SND1: variants seen among roughly 807,000 people sequenced by gnomAD.
SND1 encodes staphylococcal nuclease and tudor domain containing 1.
A neutral mutation model predicts 121.7 loss-of-function variants in SND1; 38 were observed. The ratio of observed to expected loss-of-function variants is 0.31; its 90% CI spans 0.24 to 0.41. SND1 has a LOEUF of 0.41. Among genes scored for constraint, SND1 ranks in the 10% least tolerant of loss-of-function variants. The probability of loss-of-function intolerance (pLI) is 1.00; values close to 1 mark genes in which losing one functional copy is unlikely to be tolerated. For missense variants in SND1, 868 were observed against 1,184.6 expected, an observed-to-expected ratio of 0.73 and a Z score of 3.92; for synonymous variants, 401 against 447.4, an observed-to-expected ratio of 0.90 and a Z score of 1.31.
intron 13 of SND1, among the ~76,000 whole-genome samples, chr7:127,893,954 C>A (rs531609732): frequency 6.6e-6 from 1 of 152,074 alleles, no homozygotes; most frequent in Non-Finnish European, 1.5e-5. Flanking sequence ...CCCATAAGCA[C>A]CAGTCTCTTG....
intron 10 of SND1, among the ~76,000 whole-genome samples, chr7:127,796,988 G>A (rs548118761): frequency 4.0e-5 from 6 of 150,898 alleles, no homozygotes; most frequent in Non-Finnish European, 8.8e-5. Flanking sequence ...CACCTCCTGG[G>A]TTCAAGCGAT....
chr7:127,902,804 C>T (rs1013230408), intron 13 of SND1, among the ~76,000 whole-genome samples: 1 of 152,124 alleles, frequency 6.6e-6, no homozygotes, highest in African/African-American at 2.4e-5. Flanking sequence ...GCAACCTCCA[C>T]CTCCTGAGTT....
At chr7:127,728,692 C>T (rs904554848) in intron 10 of SND1, among the ~76,000 whole-genome samples, 5 of 152,206 alleles carry the variant, frequency 3.3e-5, no homozygotes, top group African/African-American at 1.2e-4. Flanking sequence ...TCCCTTCTTT[C>T]AGAATCTTAC....
Position 127,789,533 on chromosome 7 carries a change from T to C in SND1, c.1153-17951T>C, listed in dbSNP as rs764284037. Among the ~76,000 whole-genome samples, 77 of 152,202 alleles carry C rather than the reference T, an allele frequency of 5.1e-4. 2 individuals are homozygous for C. The highest frequency in any genetic ancestry group is 2.2e-4 in the Non-Finnish European group (15 of 68,040). The stretch of plus-strand genomic sequence containing the variant: ...CCTACATAATGGCATTGTTTCCATA[T>C]TTAATCGTAAGCTAAACATTCATGG... On this transcript the variant is annotated intron_variant, in intron 10 of 23. Coordinates refer to ENST00000354725, the MANE Select transcript of SND1 (RefSeq NM_014390.4).
intron 10 of SND1, among the ~76,000 whole-genome samples, chr7:127,723,254 C>T (rs752404552): frequency 5.9e-5 from 9 of 152,158 alleles, no homozygotes; most frequent in Non-Finnish European, 1.0e-4. Flanking sequence ...AGTGGGTAAA[C>T]GATGCATTTC....
chr7:127,721,458 A>G, intron 10 of SND1, 58 bp downstream of exon 10: 1 of 946,628 alleles, frequency 1.1e-6, no homozygotes. Flanking sequence ...GAAGTTGGAG[A>G]ATTGATTAAT....
At chr7:127,995,718 A>G (rs2116923654) in intron 16 of SND1, among the ~76,000 whole-genome samples, 1 of 152,320 alleles carries the variant, frequency 6.6e-6, no homozygotes, top group East Asian at 1.9e-4. Flanking sequence ...CTCACTGACC[A>G]GTTGCTGCCT....
chr7:127,699,506 G>A (rs1388731636), intron 4 of SND1, among the ~76,000 whole-genome samples: 1 of 152,204 alleles, frequency 6.6e-6, no homozygotes, highest in Non-Finnish European at 1.5e-5. Flanking sequence ...TCAGAGTCAG[G>A]AAAAATTTAT....
At chr7:127,706,319 C>T (rs1024843666) in intron 8 of SND1, among the ~76,000 whole-genome samples, 2 of 128,868 alleles carry the variant, frequency 1.6e-5, no homozygotes, top group African/African-American at 2.9e-5. Flanking sequence ...TGCAGTGGCA[C>T]GATCTCCACT....
chr7:127,806,837 T>G (rs1378279538), intron 10 of SND1, among the ~76,000 whole-genome samples: 1 of 152,142 alleles, frequency 6.6e-6, no homozygotes, highest in Non-Finnish European at 1.5e-5. Flanking sequence ...CACATGCCTG[T>G]AATCCCAGCT....
At chr7:128,084,987 C>G (rs1203693520) in intron 19 of SND1, 140 bp downstream of exon 19, 1 of 819,884 alleles carries the variant, frequency 1.2e-6, no homozygotes, top group African/African-American at 1.8e-5. Flanking sequence ...GGGTGTCCCT[C>G]TTCATTGCCC....
chr7:127,781,655 C>G (rs1437173367), intron 10 of SND1, among the ~76,000 whole-genome samples: 1 of 151,970 alleles, frequency 6.6e-6, no homozygotes, highest in Non-Finnish European at 1.5e-5. Context: ...TTTATAAGTC[C>G]TTCCTTTTAG....
intron 12 of SND1, among the ~76,000 whole-genome samples, chr7:127,852,858 A>G (rs1799197175): frequency 6.6e-6 from 1 of 152,150 alleles, no homozygotes; most frequent in African/African-American, 2.4e-5. Context: ...TGTTGTCTGA[A>G]TTATCTGTTT....
At chr7:127,996,144 A>G (rs1802651558) in intron 16 of SND1, among the ~76,000 whole-genome samples, 2 of 151,960 alleles carry the variant, frequency 1.3e-5, no homozygotes, top group South Asian at 4.1e-4. Flanking sequence ...CTGCTTTAAA[A>G]AAAAAAAAAA....
chr7:127,652,529 C>A, intron 1 of SND1, 78 bp downstream of exon 1: 1 of 1,202,498 alleles, frequency 8.3e-7, no homozygotes. Context: ...CTTCCGCCAG[C>A]CTGCTCCATG....
chr7:127,715,058 T>G (rs765998928), intron 9 of SND1, among the ~76,000 whole-genome samples: 25 of 152,212 alleles, frequency 1.6e-4, no homozygotes, highest in Non-Finnish European at 3.5e-4. Context: ...ATTTTTAAGT[T>G]GTTGAGGGAA....
chr7:128,006,041 T>C (rs1395785429), intron 16 of SND1, among the ~76,000 whole-genome samples: 1 of 152,210 alleles, frequency 6.6e-6, no homozygotes, highest in Non-Finnish European at 1.5e-5. Flanking sequence ...ATTCCCTTCA[T>C]GAGCCTTCAA....
rs143703816 is a variant in SND1 at position 128,029,333 on chromosome 7, C to T, written c.1779+38277C>T. 19 of 1,614,002 alleles carry T rather than the reference C, an allele frequency of 1.2e-5. No individual in the cohort carries two copies. In the African/African-American group the frequency reaches 1.9e-4, roughly 16 times the overall value. On this transcript the variant is annotated intron_variant, in intron 16 of 23. Transcript: ENST00000354725. The surrounding 1 kb of genome is among the most constrained non-coding windows in gnomAD (Gnocchi z 4.2). ...CAGCCGTGCTCACATTGAGGTAGGCCGAGGCGTTGGAGTTGCCTGCAACAT... is the reference window on the plus strand; with the variant it reads ...CAGCCGTGCTCACATTGAGGTAGGCTGAGGCGTTGGAGTTGCCTGCAACAT...
intron 16 of SND1, among the ~76,000 whole-genome samples, chr7:128,018,137 G>A (rs922225385): frequency 6.6e-6 from 1 of 152,344 alleles, no homozygotes; most frequent in Middle Eastern, 3.4e-3. Flanking sequence ...TCAGGGCACC[G>A]CCTTATGGGA....
Sources: allele counts gnomAD v4.1 joint callset (sites outside exome capture counted in the v4.1 genomes callset), GRCh38; gene constraint gnomAD v4.1.1; non-coding constraint Gnocchi (gnomAD v3.1); transcripts MANE v1.5; gene names NCBI Gene and HGNC (gene_info 2026-07-23, HGNC 2026-07-21).